The following CDYL variants were observed in gnomAD, a reference collection of about 807,000 sequenced individuals.
CDYL encodes chromodomain Y like.
A neutral mutation model predicts 47.3 loss-of-function variants in CDYL; 8 were observed. That is an observed-to-expected ratio of 0.17 (90% CI 0.10 to 0.31). CDYL has a LOEUF of 0.31. CDYL is among the 10% of genes least tolerant of loss of function. The probability of loss-of-function intolerance (pLI) is 1.00; values close to 1 mark genes in which losing one functional copy is unlikely to be tolerated. For synonymous variants in CDYL, 266 were observed against 265.0 expected (o/e 1.00, Z -0.04); for missense variants, 471 against 701.4 (o/e 0.67, Z 3.71).
At chr6:4,891,010 C>T (rs1006815611) in intron 1 of CDYL, among the ~76,000 whole-genome samples, 2 of 152,172 alleles carry the variant, frequency 1.3e-5, no homozygotes, top group African/African-American at 2.4e-5. Context: ...GGTGATAAAA[C>T]GTGCTTACAA....
chr6:4,784,585 A>G (rs1449776944), intron 1 of CDYL, among the ~76,000 whole-genome samples: 1 of 152,240 alleles, frequency 6.6e-6, no homozygotes, highest in Non-Finnish European at 1.5e-5. Flanking sequence ...TTCTGAAGCA[A>G]AATGTTCAAT....
intron 1 of CDYL, among the ~76,000 whole-genome samples, chr6:4,837,671 G>A (rs1227001703): frequency 6.6e-6 from 1 of 151,924 alleles, no homozygotes; most frequent in Non-Finnish European, 1.5e-5. Context: ...CATCATGTTG[G>A]TCAGGCTGCT....
intron 1 of CDYL, among the ~76,000 whole-genome samples, chr6:4,862,468 A>G (rs1166486245): frequency 1.3e-5 from 2 of 152,160 alleles, no homozygotes; most frequent in Non-Finnish European, 2.9e-5. Context: ...TTATAAACAT[A>G]AAACCCATAG....
intron 6 of CDYL, 139 bp from the exon 7 acceptor site, chr6:4,953,759 T>C: frequency 1.3e-6 from 1 of 748,806 alleles, no homozygotes; most frequent in Non-Finnish European, 2.1e-6. Flanking sequence ...AGGCCCGACA[T>C]ATTGTGAGAA....
At chr6:4,757,846 G>C (rs1193170630) in intron 3 of CDYL, among the ~76,000 whole-genome samples, 1 of 152,004 alleles carries the variant, frequency 6.6e-6, no homozygotes, top group Non-Finnish European at 1.5e-5. Context: ...AGACCAGCCT[G>C]GGCAACATAG....
chr6:4,936,734 G>C (rs1251576353), intron 3 of CDYL, among the ~76,000 whole-genome samples: 4 of 152,176 alleles, frequency 2.6e-5, no homozygotes, highest in Non-Finnish European at 5.9e-5. Context: ...CAGTAGAACT[G>C]AATGAGTTTC....
chr6:4,953,870 C>G (rs760940443), intron 6 of CDYL, 28 bp from the exon 7 acceptor site: 2 of 1,606,708 alleles, frequency 1.2e-6, no homozygotes, highest in Non-Finnish European at 1.7e-6. Context: ...ATGCACCCTG[C>G]TAACTGGCTG....
chr6:4,840,567 GTCC>G (rs1455726980), intron 1 of CDYL, among the ~76,000 whole-genome samples: 3 of 152,130 alleles, frequency 2.0e-5, no homozygotes, highest in Non-Finnish European at 4.4e-5. Flanking sequence ...TTAAAGTTAT[GTCC>G]CTTCTATGCT....
At chr6:4,820,850 A>T (rs1759814269) in intron 1 of CDYL, among the ~76,000 whole-genome samples, 1 of 152,238 alleles carries the variant, frequency 6.6e-6, no homozygotes, top group South Asian at 2.1e-4. Flanking sequence ...GGCAGCCTGC[A>T]GCGTGCAGAA....
At chr6:4,857,062 G>A (rs1045604342) in intron 1 of CDYL, among the ~76,000 whole-genome samples, 1 of 152,188 alleles carries the variant, frequency 6.6e-6, no homozygotes, top group African/African-American at 2.4e-5. Context: ...CAGTGGTCAT[G>A]CGTGGTTCAG....
upstream of CDYL, chr6:4,773,160 A>G (rs1394486813): frequency 4.4e-6 from 2 of 457,338 alleles, no homozygotes. The surrounding 1 kb of genome is among the most constrained non-coding windows in gnomAD (Gnocchi z 4.6). Context: ...GTTGGCCTAC[A>G]ACAACGGGAG....
exon 2 of CDYL, chr6:4,715,792 C>G: frequency 6.2e-7 from 1 of 1,614,102 alleles, no homozygotes; most frequent in East Asian, 2.2e-5. Context: ...ACATTTCAGG[C>G]AAGCCACAGG....
At chr6:4,848,256 T>C (rs1264458035) in intron 1 of CDYL, among the ~76,000 whole-genome samples, 1 of 152,206 alleles carries the variant, frequency 6.6e-6, no homozygotes, top group Non-Finnish European at 1.5e-5. Context: ...CTGACAATAT[T>C]TGCTGAATGA....
At chr6:4,807,717 C>T (rs933288934) in intron 1 of CDYL, among the ~76,000 whole-genome samples, 1 of 148,704 alleles carries the variant, frequency 6.7e-6, no homozygotes, top group Non-Finnish European at 1.5e-5. Context: ...AATCCTCCTG[C>T]CTCAGCCTCC....
chr6:4,806,035 G>A (rs926134402), intron 1 of CDYL, among the ~76,000 whole-genome samples: 1 of 152,368 alleles, frequency 6.6e-6, no homozygotes, highest in Non-Finnish European at 1.5e-5. Context: ...TGAGAGCAGC[G>A]CAGCCTGCCT....
chr6:4,918,754 A>G (rs547495633), intron 2 of CDYL, among the ~76,000 whole-genome samples: 1 of 152,316 alleles, frequency 6.6e-6, no homozygotes, highest in African/African-American at 2.4e-5. Flanking sequence ...TGCTGGTTGT[A>G]GGGATCGCTT....
chr6:4,790,968 C>A (rs1284570815), intron 1 of CDYL, among the ~76,000 whole-genome samples: 1 of 152,182 alleles, frequency 6.6e-6, no homozygotes, highest in East Asian at 1.9e-4. Context: ...CAAGTGCTCA[C>A]TTTGGAAGAG....
intron 1 of CDYL, among the ~76,000 whole-genome samples, chr6:4,823,191 C>T (rs1459595643): frequency 6.6e-6 from 1 of 152,114 alleles, no homozygotes; most frequent in African/African-American, 2.4e-5. Flanking sequence ...AGTATATTTC[C>T]GTGACATTTA....
chr6:4,927,124 A>T (rs888814151), intron 2 of CDYL, among the ~76,000 whole-genome samples: 1 of 152,144 alleles, frequency 6.6e-6, no homozygotes, highest in Middle Eastern at 3.2e-3. Context: ...GCTTTTGGCA[A>T]TTTTTCCATT....
Sources: allele counts gnomAD v4.1 joint callset (sites outside exome capture counted in the v4.1 genomes callset), GRCh38; gene constraint gnomAD v4.1.1; non-coding constraint Gnocchi (gnomAD v3.1); transcripts MANE v1.5; gene names NCBI Gene and HGNC (gene_info 2026-07-23, HGNC 2026-07-21).